The following ATG4B variants were observed in gnomAD, a reference collection of about 807,000 sequenced individuals.
The protein encoded by ATG4B is autophagy related 4B cysteine peptidase.
ATG4B carries 29 observed loss-of-function variants against 56.6 expected under a neutral mutation model. The observed-to-expected ratio is 0.51, with a 90% CI of 0.38 to 0.70. The LOEUF (loss-of-function observed/expected upper bound fraction) is 0.70. ATG4B is among the 30% of genes least tolerant of loss of function. ATG4B has a pLI of 0.00. For missense variants in ATG4B, 461 were observed against 515.5 expected (o/e 0.89, Z 1.02); for synonymous variants, 224 against 206.1 (o/e 1.09, Z -0.74).
chr2:241,647,236 T>C (rs894560921), intron 1 of ATG4B, among the ~76,000 whole-genome samples: 1 of 152,192 alleles, frequency 6.6e-6, no homozygotes. Context: ...TGTGTATCTT[T>C]AGTTCAAAGC....
At chr2:241,655,883 G>A (rs2068385349) in intron 6 of ATG4B, among the ~76,000 whole-genome samples, 1 of 152,152 alleles carries the variant, frequency 6.6e-6, no homozygotes, top group Admixed American at 6.5e-5. Flanking sequence ...GACCTTCCCT[G>A]CAGTTCCAGA....
At chr2:241,641,365 A>C (rs2067881621) in intron 1 of ATG4B, among the ~76,000 whole-genome samples, 1 of 152,180 alleles carries the variant, frequency 6.6e-6, no homozygotes, top group Admixed American at 6.5e-5. Flanking sequence ...CCTGGCTAAC[A>C]CGGTGAAACC....
chr2:241,668,358 G>A lies in ATG4B; in HGVS notation c.811+137G>A, dbSNP rs1347375497. The A allele has an allele frequency of 2.2e-6, 3 of 1,362,280 alleles. No homozygotes were observed. The highest frequency in any genetic ancestry group is 2.0e-6 in the Non-Finnish European group (2 of 981,432). 84.4% of individuals were successfully genotyped at this position (1,362,280 alleles called of 1,614,324 possible). ...ATGCCCTGGGGTTCATTTTCAGCCTGGTCGCGGGCGGCCTCCTGTGTGCCC... is the reference window on the plus strand; with the variant it reads ...ATGCCCTGGGGTTCATTTTCAGCCTAGTCGCGGGCGGCCTCCTGTGTGCCC... On this transcript the variant is annotated intron_variant, in intron 9 of 12. Transcript: ENST00000404914. The surrounding 1 kb of genome is among the most constrained non-coding windows in gnomAD (Gnocchi z 4.2).
intron 3 of ATG4B, chr2:241,653,232 C>G (rs1012911008): frequency 8.6e-6 from 9 of 1,046,780 alleles, no homozygotes; most frequent in Non-Finnish European, 1.2e-5. Flanking sequence ...TTACGGGGGT[C>G]AGTGTCTTCA....
intron 1 of ATG4B, among the ~76,000 whole-genome samples, chr2:241,641,026 T>G (rs930676733): frequency 2.0e-5 from 3 of 152,156 alleles, no homozygotes; most frequent in Non-Finnish European, 4.4e-5. Flanking sequence ...CTTTTGAGAA[T>G]GTACTGCAGA....
chr2:241,637,892 T>TTGGGGGGGGGGGGGG, intron 1 of ATG4B, 168 bp downstream of exon 1: 1 of 149,724 alleles, frequency 6.7e-6, no homozygotes, highest in Non-Finnish European at 1.4e-5. Context: ...TGGTGGGTGG[T>TTGGGGGGGGGGGGGG]GGGCGGTGGG....
rs1379183248 is a variant in ATG4B at position 241,637,707 on chromosome 2, C to A, written c.-8C>A. On this transcript the variant is annotated 5_prime_UTR_variant, in exon 1 of 13. The change creates a new upstream start codon in the 5' untranslated region. Transcript: ENST00000404914. ...CCGCTCGGGTCAGTCGGCGGCCGGACTGGGAAGATGGACGCAGGTGAGGAG... is the reference window on the plus strand; with the variant it reads ...CCGCTCGGGTCAGTCGGCGGCCGGAATGGGAAGATGGACGCAGGTGAGGAG... The A allele has an allele frequency of 6.3e-7, 1 of 1,583,482 alleles. No homozygotes were observed. The highest frequency in any genetic ancestry group is 1.4e-5 in the African/African-American group (1 of 70,908).
chr2:241,654,462 A>C (rs151200016), intron 4 of ATG4B, 84 bp from the exon 5 acceptor site: 2 of 699,814 alleles, frequency 2.9e-6, no homozygotes. Flanking sequence ...AAAGGTTTGG[A>C]TGCCATCTGT....
intron 7 of ATG4B, among the ~76,000 whole-genome samples, chr2:241,660,226 C>T (rs887082296): frequency 1.4e-4 from 21 of 152,224 alleles, no homozygotes; most frequent in Non-Finnish European, 1.0e-4. Context: ...AGAGCCACAG[C>T]CGTAACTGCG....
At chr2:241,667,063 G>C (rs1374754436) in intron 8 of ATG4B, among the ~76,000 whole-genome samples, 2 of 152,232 alleles carry the variant, frequency 1.3e-5, no homozygotes, top group African/African-American at 2.4e-5. Context: ...CGAGTGTCGA[G>C]GATGAAAGCA....
At chr2:241,670,409 C>CCCTA (rs1334322318) in intron 10 of ATG4B, among the ~76,000 whole-genome samples, 26 of 152,228 alleles carry the variant, frequency 1.7e-4, no homozygotes, top group African/African-American at 5.8e-4. Context: ...CCCCACTTGG[C>CCCTA]CCTAACTCAT....
In ATG4B at chr2:241,671,955, T is replaced by A. The variant is rs1033326676; in HGVS notation, c.1109-236T>A. On this transcript the variant is annotated intron_variant, in intron 12 of 12. Transcript: ENST00000404914. ...ACGCGGGACAGAGGCCCCTCAGGCC[T>A]GAGATTGTGCCGGCCGCCCCCTGCC... 18 of 1,399,368 alleles carry A rather than the reference T, an allele frequency of 1.3e-5. No homozygotes were observed. In the African/African-American group the frequency reaches 2.6e-4, roughly 20 times the overall value. The allele number at this position is 1,399,368 out of a possible 1,614,324, so 86.7% of individuals were successfully genotyped here. A position where few individuals can be genotyped will look rare whatever the true frequency, so the allele number is the denominator to read the frequency against.
At chr2:241,637,776 T>C (rs1343945854) in intron 1 of ATG4B, 52 bp downstream of exon 1, 28 of 1,545,574 alleles carry the variant, frequency 1.8e-5, no homozygotes, top group Non-Finnish European at 2.3e-5. Flanking sequence ...CGCCTTATCA[T>C]TGGCCTCCCC....
In ATG4B at chr2:241,668,443, G is replaced by C. The variant is rs1256679944; in HGVS notation, c.812-97G>C. 2 of 1,501,374 alleles carry C rather than the reference G, an allele frequency of 1.3e-6. 1 individual carries two copies. The allele number at this position is 1,501,374 out of a possible 1,614,324, so 93.0% of individuals were successfully genotyped here. A position where few individuals can be genotyped will look rare whatever the true frequency, so the allele number is the denominator to read the frequency against. ...CCCACCTCCTGCCCACTGCTTCTCA[G>C]TGTGATGTGGGTGCAGTGGGTCTGA... On this transcript the variant is annotated intron_variant, in intron 9 of 12. Coordinates refer to ENST00000404914, the MANE Select transcript of ATG4B (RefSeq NM_013325.5). The surrounding 1 kb of genome is among the most constrained non-coding windows in gnomAD (Gnocchi z 4.2).
At chr2:241,639,103 T>C (rs2067798035) in intron 1 of ATG4B, among the ~76,000 whole-genome samples, 1 of 152,150 alleles carries the variant, frequency 6.6e-6, no homozygotes, top group African/African-American at 2.4e-5. Flanking sequence ...GACTGTATGC[T>C]CAGCCCCTGG....
chr2:241,649,784 C>CTTTTTTTTTTTTTTTTTTTTTTTTTT (rs111624909), intron 1 of ATG4B, among the ~76,000 whole-genome samples: 2 of 137,512 alleles, frequency 1.5e-5, no homozygotes, highest in African/African-American at 2.7e-5. Flanking sequence ...TTTTCTTTTT[C>CTTTTTTTTTTTTTTTTTTTTTTTTTT]TTTTTTTTTT....
intron 1 of ATG4B, among the ~76,000 whole-genome samples, chr2:241,646,845 C>T (rs551631206): frequency 1.1e-4 from 17 of 149,174 alleles, no homozygotes; most frequent in South Asian, 4.2e-4. Flanking sequence ...TGCAGTGGCG[C>T]GATCTCAGGT....
At chr2:241,656,979 C>CT (rs1364861721) in intron 6 of ATG4B, among the ~76,000 whole-genome samples, 42 of 117,632 alleles carry the variant, frequency 3.6e-4, no homozygotes, top group Non-Finnish European at 5.3e-4. Context: ...TCTCTTTTTT[C>CT]TTTTTTTTTG....
In ATG4B at chr2:241,672,358, C is replaced by T. The variant is rs1389532016; in HGVS notation, c.*94C>T. The T allele has an allele frequency of 1.6e-5, 19 of 1,202,064 alleles. No homozygotes were observed. The highest frequency in any genetic ancestry group is 7.7e-5 in the East Asian group (3 of 39,190). The allele number at this position is 1,202,064 out of a possible 1,614,324, so 74.5% of individuals were successfully genotyped here. A position where few individuals can be genotyped will look rare whatever the true frequency, so the allele number is the denominator to read the frequency against. On this transcript the variant is annotated 3_prime_UTR_variant, in exon 13 of 13. Transcript: ENST00000404914. ...CCGCCCGCTCGCCTGCCGAGGGCTG[C>T]GCCCCGTGCTGCCTCCCCCCAGAGG...
Sources: allele counts gnomAD v4.1 joint callset (sites outside exome capture counted in the v4.1 genomes callset), GRCh38; gene constraint gnomAD v4.1.1; non-coding constraint Gnocchi (gnomAD v3.1); transcripts MANE v1.5; gene names NCBI Gene and HGNC (gene_info 2026-07-23, HGNC 2026-07-21).